Variants in PTPRT observed in about 807,000 individuals in gnomAD.
PTPRT encodes protein tyrosine phosphatase receptor type T.
A neutral mutation model predicts 176.8 loss-of-function variants in PTPRT; 56 were observed. The observed-to-expected ratio is 0.32, with a 90% CI of 0.26 to 0.40. The LOEUF is 0.40. Among genes scored for constraint, PTPRT ranks in the 10% least tolerant of loss-of-function variants. The pLI is 1.00. For synonymous variants in PTPRT, 783 were observed against 739.0 expected (o/e 1.06, Z -0.96); for missense variants, 1,540 against 1,908.2 (o/e 0.81, Z 3.60).
At chr20:42,992,529 T>A (rs1004396230) in intron 1 of PTPRT, among the ~76,000 whole-genome samples, 2 of 152,212 alleles carry the variant, frequency 1.3e-5, no homozygotes, top group African/African-American at 4.8e-5. Context: ...AAAAAGGAGT[T>A]AGCATCTTTA....
chr20:42,668,801 C>T (rs1394355895), intron 7 of PTPRT, among the ~76,000 whole-genome samples: 1 of 151,342 alleles, frequency 6.6e-6, no homozygotes, highest in Non-Finnish European at 1.5e-5. Context: ...ACGCCATTCT[C>T]CTGCCTCAGC....
At chr20:43,036,146 T>C (rs548266440) in intron 1 of PTPRT, among the ~76,000 whole-genome samples, 3 of 152,242 alleles carry the variant, frequency 2.0e-5, no homozygotes, top group Non-Finnish European at 4.4e-5. Context: ...TTATATTTTA[T>C]GTATTATGAA....
chr20:42,302,832 C>T (rs967778167), intron 12 of PTPRT, among the ~76,000 whole-genome samples: 3 of 152,168 alleles, frequency 2.0e-5, no homozygotes, highest in Admixed American at 2.0e-4. Context: ...TAAACAAATG[C>T]AAATGGGGTG....
chr20:42,737,599 T>A (rs1449438207), intron 6 of PTPRT, among the ~76,000 whole-genome samples: 1 of 149,228 alleles, frequency 6.7e-6, no homozygotes, highest in Non-Finnish European at 1.5e-5. Flanking sequence ...ACCATTGCAC[T>A]CCAGCCTGTG....
rs182746763 is a variant in PTPRT, at chr20:42,811,345, T to A, written c.215-19879A>T. On this transcript the variant is annotated intron_variant, in intron 2 of 30. Transcript: ENST00000373187. ...GGATGGACGGAAGAATAGGTGGAAA[T>A]AAATACTATGAAATGTGGGATAAAA... Among the ~76,000 whole-genome samples the A allele has an allele frequency of 8.5e-5, 13 of 152,198 alleles. No homozygotes were observed. The East Asian group carries it at 2.5e-3, about 29-fold the overall frequency.
Position 42,082,090 on chromosome 20 carries a change from CAGT to C in PTPRT, c.4137-76_4137-74del. The C allele has an allele frequency of 7.5e-6, 12 of 1,602,514 alleles. 1 individual carries two copies. The South Asian group carries it at 1.3e-4, about 18-fold the overall frequency. On this transcript the variant is annotated intron_variant, in intron 29 of 30. Transcript: ENST00000373187. ...GCACCTGATGATTCTAAAGCTACAT[CAGT>C]AGGAGTAGGGATCAGCTGTCTGGGC...
At chr20:42,638,998 T>C (rs930462045) in intron 7 of PTPRT, among the ~76,000 whole-genome samples, 1 of 152,116 alleles carries the variant, frequency 6.6e-6, no homozygotes, top group Non-Finnish European at 1.5e-5. Flanking sequence ...TTATAAGGTT[T>C]CAGATAGATT....
chr20:42,087,156 C>G (rs1371201446), intron 27 of PTPRT, among the ~76,000 whole-genome samples: 6 of 127,574 alleles, frequency 4.7e-5, no homozygotes, highest in Non-Finnish European at 1.0e-4. Flanking sequence ...CAGATTAGCT[C>G]CCCCCGAGAG....
chr20:42,430,157 CGGTCCACGGTCCAG>C (rs920431245), intron 9 of PTPRT, among the ~76,000 whole-genome samples: 6 of 152,160 alleles, frequency 3.9e-5, no homozygotes, highest in African/African-American at 1.2e-4. Context: ...AAGGTCCCCA[CGGTCCACGGTCCAG>C]GGTCCACGGT....
chr20:42,842,728 T>C (rs1485368804), intron 2 of PTPRT, among the ~76,000 whole-genome samples: 1 of 152,190 alleles, frequency 6.6e-6, no homozygotes, highest in African/African-American at 2.4e-5. Context: ...CCTAAATTTA[T>C]TGATCATAGT....
At chr20:42,114,025 G>A (rs1987150403) in intron 22 of PTPRT, among the ~76,000 whole-genome samples, 1 of 152,224 alleles carries the variant, frequency 6.6e-6, no homozygotes. Flanking sequence ...AGAGCAGCCT[G>A]CTTTGGCCCT....
intron 1 of PTPRT, among the ~76,000 whole-genome samples, chr20:43,083,335 T>TGTATATAC (rs2011498998): frequency 9.4e-6 from 1 of 106,830 alleles, no homozygotes; most frequent in Non-Finnish European, 1.9e-5. Flanking sequence ...TATATATATA[T>TGTATATAC]ATATATATAT....
intron 1 of PTPRT, among the ~76,000 whole-genome samples, chr20:43,015,023 T>C (rs1985304740): frequency 1.3e-5 from 2 of 152,210 alleles, no homozygotes; most frequent in Admixed American, 1.3e-4. Flanking sequence ...CAATAACCGT[T>C]CTCCACTGTG....
Position 42,236,248 on chromosome 20 carries a change from A to G in PTPRT, c.2323T>C (p.Tyr775His), listed in dbSNP as rs2056239728. 6.2e-7 allele frequency: 1 copy of G among 1,603,890 alleles called. No individual in the cohort carries two copies. The highest frequency in any genetic ancestry group is 1.7e-5 in the Admixed American group (1 of 59,818). ...ACTTACAAGTAATAGGAGTAGGAAT[A>G]AGCATTTCTTCTATATATTGATGGG... ...MLTIKRRRNA[Y>H]SYSYYLKLAK... Residue 775 changes from tyrosine (Y) to histidine (H), a missense_variant, in exon 15 of 31, where the codon TAT becomes CAT. Physicochemically the swap from Tyr to His is moderately conservative, Grantham distance 83. Transcript: ENST00000373187.
intron 17 of PTPRT, among the ~76,000 whole-genome samples, chr20:42,160,302 A>C (rs544224337): frequency 1.3e-5 from 2 of 152,336 alleles, no homozygotes; most frequent in Admixed American, 1.3e-4. Flanking sequence ...CTGCAGCTGG[A>C]GTCTAACTGC....
At chr20:42,235,076 C>T (rs1019244483) in intron 15 of PTPRT, among the ~76,000 whole-genome samples, 2 of 152,194 alleles carry the variant, frequency 1.3e-5, no homozygotes, top group African/African-American at 4.8e-5. Context: ...AATGAATTCA[C>T]ATCCTTCAAT....
intron 9 of PTPRT, among the ~76,000 whole-genome samples, chr20:42,427,777 T>C (rs1008147217): frequency 3.3e-5 from 5 of 152,190 alleles, no homozygotes; most frequent in African/African-American, 9.7e-5. Context: ...CCTTAACTGA[T>C]GACATTCCAC....
intron 12 of PTPRT, among the ~76,000 whole-genome samples, chr20:42,299,641 CTTT>C (rs34045854): frequency 1.2e-3 from 107 of 85,980 alleles, no homozygotes; most frequent in Non-Finnish European, 2.0e-3. Context: ...GAACTTTTGC[CTTT>C]TTTTTTTTTT....
intron 13 of PTPRT, among the ~76,000 whole-genome samples, chr20:42,259,500 G>A (rs985954879): frequency 6.6e-6 from 1 of 152,168 alleles, no homozygotes; most frequent in Non-Finnish European, 1.5e-5. Flanking sequence ...ACTTTCTGTT[G>A]TGCCAAGGAG....
Sources: gnomAD v4.1 joint callset for allele counts (sites outside exome capture counted in the v4.1 genomes callset) on GRCh38, gnomAD v4.1.1 for gene constraint, MANE v1.5 for transcripts, NCBI Gene and HGNC (gene_info 2026-07-23, HGNC 2026-07-21) for gene names.